The following GPATCH2 variants were observed in gnomAD, a reference collection of about 807,000 sequenced individuals.
The protein encoded by GPATCH2 is G-patch domain containing 2.
A neutral mutation model predicts 58.0 loss-of-function variants in GPATCH2; 51 were observed. The ratio of observed to expected loss-of-function variants is 0.88; its 90% CI spans 0.70 to 1.11. The LOEUF (loss-of-function observed/expected upper bound fraction) is 1.11, where lower values mean the gene tolerates loss of function less well. Ranked by LOEUF, GPATCH2 falls within the 50% of genes most tolerant of loss-of-function variation. The probability of loss-of-function intolerance (pLI) is 0.00; values close to 1 mark genes in which losing one functional copy is unlikely to be tolerated. For missense variants in GPATCH2, 625 were observed against 652.2 expected (o/e 0.96, Z 0.45); for synonymous variants, 222 against 218.5 (o/e 1.02, Z -0.14).
intron 6 of GPATCH2, among the ~76,000 whole-genome samples, chr1:217,500,302 C>A (rs554887250): frequency 8.5e-5 from 13 of 152,082 alleles, no homozygotes; most frequent in African/African-American, 3.1e-4. Context: ...CCTCTTCAGC[C>A]TCCAGTGATC....
intron 5 of GPATCH2, among the ~76,000 whole-genome samples, chr1:217,597,006 G>A (rs138235125): frequency 2.0e-5 from 3 of 152,184 alleles, no homozygotes; most frequent in African/African-American, 7.2e-5. Context: ...CAAGGACAAA[G>A]AGAATAGGAA....
At chr1:217,517,719 A>C (rs1401720126) in intron 5 of GPATCH2, among the ~76,000 whole-genome samples, 1 of 152,136 alleles carries the variant, frequency 6.6e-6, no homozygotes, top group East Asian at 1.9e-4. Context: ...AAGTATGGTG[A>C]CTGTTTTCTT....
chr1:217,604,706 C>T (rs906449915), intron 5 of GPATCH2, among the ~76,000 whole-genome samples: 1 of 152,112 alleles, frequency 6.6e-6, no homozygotes, highest in Non-Finnish European at 1.5e-5. Flanking sequence ...CTATCAAGCG[C>T]CCTTATGTAA....
chr1:217,465,301 G>A (rs2102493665), intron 8 of GPATCH2, among the ~76,000 whole-genome samples: 1 of 152,194 alleles, frequency 6.6e-6, no homozygotes, highest in East Asian at 1.9e-4. Context: ...GAAAGTGATA[G>A]CTACGGAAGA....
chr1:217,435,636 A>G (rs761345597), intron 9 of GPATCH2, among the ~76,000 whole-genome samples: 18 of 152,090 alleles, frequency 1.2e-4, no homozygotes, highest in Non-Finnish European at 2.1e-4. Context: ...TCTTTTCACC[A>G]TTACTTGACT....
chr1:217,610,862 A>G, intron 4 of GPATCH2, 27 bp downstream of exon 4: 1 of 1,529,008 alleles, frequency 6.5e-7, no homozygotes, highest in Non-Finnish European at 9.0e-7. Flanking sequence ...AACCCATTAT[A>G]TCTACCAGGG....
intron 8 of GPATCH2, among the ~76,000 whole-genome samples, chr1:217,469,465 A>G (rs745565550): frequency 5.4e-4 from 82 of 152,310 alleles, no homozygotes; most frequent in Middle Eastern, 3.4e-3. Context: ...AAACAATTTG[A>G]AAAACAATTA....
At chr1:217,567,555 A>T (rs991115284) in intron 5 of GPATCH2, among the ~76,000 whole-genome samples, 7 of 152,216 alleles carry the variant, frequency 4.6e-5, no homozygotes, top group Non-Finnish European at 1.0e-4. Context: ...GTTCCCTTAT[A>T]TCTGATTTGC....
intron 5 of GPATCH2, among the ~76,000 whole-genome samples, chr1:217,519,977 ATTG>A (rs1663368481): frequency 1.3e-5 from 2 of 151,978 alleles, no homozygotes; most frequent in East Asian, 1.9e-4. Context: ...GGTTTTTTTG[ATTG>A]TTGTTTTTTA....
chr1:217,447,555 A>G lies in GPATCH2; in HGVS notation c.1366+1694T>C, dbSNP rs150981198. Among the ~76,000 whole-genome samples the G allele has an allele frequency of 7.2e-5, 11 of 152,322 alleles. No individual in the cohort carries two copies. The South Asian group carries it at 8.3e-4, about 11-fold the overall frequency. On this transcript the variant is annotated intron_variant, in intron 9 of 9. Transcript: ENST00000366935. ...ACAGTTGTTATAAAGATAAAATAAT[A>G]AAGTTTCTGGTACACAGTAGGTACT...
chr1:217,448,619 G>A (rs373889092), intron 9 of GPATCH2, among the ~76,000 whole-genome samples: 2 of 152,206 alleles, frequency 1.3e-5, no homozygotes, highest in Admixed American at 1.3e-4. Context: ...TGTCCTCTCC[G>A]ATCTACAGTG....
chr1:217,560,263 T>C (rs1161965140), intron 5 of GPATCH2, among the ~76,000 whole-genome samples: 2 of 152,224 alleles, frequency 1.3e-5, no homozygotes, highest in East Asian at 3.9e-4. Flanking sequence ...TGTGAGTGCA[T>C]GCTACTTGTC....
intron 8 of GPATCH2, among the ~76,000 whole-genome samples, chr1:217,490,649 T>C (rs890999543): frequency 2.0e-5 from 3 of 152,246 alleles, no homozygotes; most frequent in East Asian, 3.8e-4. Flanking sequence ...CTAAAAATTA[T>C]ATACATTTTT....
chr1:217,584,025 A>C (rs1454521491), intron 5 of GPATCH2, among the ~76,000 whole-genome samples: 2 of 152,096 alleles, frequency 1.3e-5, no homozygotes, highest in Non-Finnish European at 2.9e-5. Flanking sequence ...GCATAATGGA[A>C]GAAAAATGAT....
intron 5 of GPATCH2, among the ~76,000 whole-genome samples, chr1:217,601,388 A>G (rs1668099644): frequency 6.6e-6 from 1 of 152,008 alleles, no homozygotes; most frequent in Admixed American, 6.6e-5. Flanking sequence ...ATAAATATGT[A>G]TAATTATTAC....
At chr1:217,439,870 T>A (rs1182191732) in intron 9 of GPATCH2, among the ~76,000 whole-genome samples, 2 of 152,178 alleles carry the variant, frequency 1.3e-5, no homozygotes, top group African/African-American at 4.8e-5. Flanking sequence ...GAGGCAGCAA[T>A]TAATAGCCTA....
At chr1:217,507,522 C>T (rs1662620957) in intron 6 of GPATCH2, among the ~76,000 whole-genome samples, 1 of 152,122 alleles carries the variant, frequency 6.6e-6, no homozygotes, top group South Asian at 2.1e-4. Flanking sequence ...TTTTCTGAGT[C>T]TCAGTTTCTT....
chr1:217,532,869 CTCTTTA>C (rs1349957393), intron 5 of GPATCH2, among the ~76,000 whole-genome samples: 1 of 147,820 alleles, frequency 6.8e-6, no homozygotes, highest in Non-Finnish European at 1.5e-5. Context: ...AAAAGTTGTG[CTCTTTA>C]TCTTTTTTTT....
chr1:217,622,840 C>G (rs1017988960), intron 1 of GPATCH2, among the ~76,000 whole-genome samples: 1 of 152,208 alleles, frequency 6.6e-6, no homozygotes, highest in African/African-American at 2.4e-5. Flanking sequence ...CCACGCCCAG[C>G]CCCACAAATC....
Sources: gnomAD v4.1 joint callset for allele counts (sites outside exome capture counted in the v4.1 genomes callset) on GRCh38, gnomAD v4.1.1 for gene constraint, MANE v1.5 for transcripts, NCBI Gene and HGNC (gene_info 2026-07-23, HGNC 2026-07-21) for gene names.